RAB22A: variants seen among roughly 807,000 people sequenced by gnomAD.
The protein encoded by RAB22A is RAB22A, member RAS oncogene family.
RAB22A carries 13 observed loss-of-function variants against 30.2 expected under a neutral mutation model. The observed-to-expected ratio is 0.43, with a 90% CI of 0.28 to 0.68. The LOEUF is 0.68. Ranked by LOEUF, RAB22A falls within the 30% of genes least tolerant of loss-of-function variation. RAB22A has a pLI of 0.18. For synonymous variants in RAB22A, 89 were observed against 87.2 expected (o/e 1.02, Z -0.11); for missense variants, 177 against 246.8 (o/e 0.72, Z 1.89).
At chr20:58,349,484 C>T (rs1050131987) in intron 3 of RAB22A, among the ~76,000 whole-genome samples, 1 of 152,132 alleles carries the variant, frequency 6.6e-6, no homozygotes, top group South Asian at 2.1e-4. Flanking sequence ...TTTTGACCCC[C>T]AAATTGTGAA....
At chr20:58,352,289 T>G (rs1345273589) in intron 3 of RAB22A, among the ~76,000 whole-genome samples, 4 of 152,198 alleles carry the variant, frequency 2.6e-5, no homozygotes, top group Non-Finnish European at 4.4e-5. Context: ...CTGTATGTGG[T>G]TTATGTATGT....
At chr20:58,323,978 TTTAA>T (rs146521513) in intron 2 of RAB22A, among the ~76,000 whole-genome samples, 1,621 of 152,330 alleles carry the variant, frequency 0.011, 24 homozygotes, top group African/African-American at 0.034. Flanking sequence ...TATCACTGGC[TTTAA>T]TTAGTTATTA....
At chr20:58,355,845 T>C (rs1327181743) in intron 6 of RAB22A, among the ~76,000 whole-genome samples, 1 of 152,070 alleles carries the variant, frequency 6.6e-6, no homozygotes, top group Non-Finnish European at 1.5e-5. Flanking sequence ...AAAAATCATG[T>C]TTATTGTTGT....
chr20:58,310,279 G>A (rs189859771), intron 1 of RAB22A, among the ~76,000 whole-genome samples: 5 of 151,946 alleles, frequency 3.3e-5, no homozygotes, highest in African/African-American at 1.2e-4. Flanking sequence ...GCCCCCCCTT[G>A]CCTCTCTATT....
At chr20:58,350,550 A>G (rs1250452086) in intron 3 of RAB22A, among the ~76,000 whole-genome samples, 1 of 152,210 alleles carries the variant, frequency 6.6e-6, no homozygotes, top group African/African-American at 2.4e-5. Context: ...CCCAGAAGTA[A>G]AAGACACGTA....
intron 3 of RAB22A, among the ~76,000 whole-genome samples, chr20:58,349,145 G>A (rs936185512): frequency 4.0e-4 from 61 of 152,056 alleles, no homozygotes; most frequent in African/African-American, 1.4e-3. Flanking sequence ...AATAGCGAGT[G>A]GCTTGCCCTC....
At chr20:58,331,808 G>C (rs1168181684) in intron 2 of RAB22A, among the ~76,000 whole-genome samples, 4 of 151,958 alleles carry the variant, frequency 2.6e-5, no homozygotes, top group Admixed American at 2.0e-4. Context: ...TCTCTTCCTA[G>C]GTGATTTCAT....
At chr20:58,313,231 C>G (rs1568862716) in intron 2 of RAB22A, among the ~76,000 whole-genome samples, 1 of 152,218 alleles carries the variant, frequency 6.6e-6, no homozygotes, top group Admixed American at 6.5e-5. Context: ...GGCTCCTGAG[C>G]TGCCTCTAGT....
intron 2 of RAB22A, among the ~76,000 whole-genome samples, chr20:58,314,284 C>T (rs1216965134): frequency 2.6e-5 from 4 of 152,062 alleles, no homozygotes; most frequent in African/African-American, 9.7e-5. Flanking sequence ...AGGCTGTTCT[C>T]AAACACCTGA....
At position 58,343,758 on chromosome 20, in the gene RAB22A, C is replaced by T; in HGVS notation, c.157C>T (p.Leu53=). 6.2e-7 allele frequency: 1 copy of T among 1,611,488 alleles called. No individual in the cohort carries two copies. The highest frequency in any genetic ancestry group is 8.5e-7 in the Non-Finnish European group (1 of 1,177,660). The change falls in exon 3 of 7, where the codon CTA becomes TTA. Residue 53 remains leucine (L), a synonymous_variant. Coordinates refer to ENST00000244040, the MANE Select transcript of RAB22A (RefSeq NM_020673.3). ...MTKTVQYQNE[L]HKFLIWDTAG... is the part of the protein sequence containing the mutation. ...CAAGACTGTCCAGTACCAAAATGAG[C>T]TACATAAATTCCTAATCTGGGATAC...
Position 58,362,688 on chromosome 20 carries a change from A to C in RAB22A, c.*2985A>C, listed in dbSNP as rs1987246324. 1 of 152,264 alleles carries C rather than the reference A, an allele frequency of 6.6e-6. No homozygotes were observed. 9.4% of individuals were successfully genotyped at this position (152,264 alleles called of 1,614,324 possible). A position where few individuals can be genotyped will look rare whatever the true frequency, so the allele number is the denominator to read the frequency against. On this transcript the variant is annotated 3_prime_UTR_variant, in exon 7 of 7. Coordinates refer to ENST00000244040, the MANE Select transcript of RAB22A (RefSeq NM_020673.3). ...AGAACATAAAGTAAGATTATGATTA[A>C]GTGTCCATCACCTGCCTGTCAGCCG...
intron 2 of RAB22A, among the ~76,000 whole-genome samples, chr20:58,324,558 G>A (rs536154639): frequency 7.2e-5 from 11 of 152,118 alleles, no homozygotes; most frequent in East Asian, 5.8e-4. Context: ...AGTCCTCCTC[G>A]GTTGTATTCC....
chr20:58,331,436 G>A (rs994765788), intron 2 of RAB22A, among the ~76,000 whole-genome samples: 7 of 152,076 alleles, frequency 4.6e-5, no homozygotes, highest in African/African-American at 1.7e-4. Flanking sequence ...TGTATCCTCA[G>A]CCCACAATAG....
chr20:58,344,020 T>C (rs1986903146), intron 3 of RAB22A, among the ~76,000 whole-genome samples: 1 of 152,200 alleles, frequency 6.6e-6, no homozygotes, highest in African/African-American at 2.4e-5. Context: ...GGCATTTTTA[T>C]ACCTTGCAGT....
At chr20:58,358,969 G>GA (rs1451219470) in intron 6 of RAB22A, among the ~76,000 whole-genome samples, 1 of 151,992 alleles carries the variant, frequency 6.6e-6, no homozygotes, top group Non-Finnish European at 1.5e-5. Flanking sequence ...TGTGTTGAGT[G>GA]AAAGTATCAA....
chr20:58,310,112 C>T (rs1002480252), intron 1 of RAB22A, 100 bp downstream of exon 1: 1 of 1,144,146 alleles, frequency 8.7e-7, no homozygotes. Context: ...CTCCCACGTC[C>T]AAGACGCTGT....
intron 2 of RAB22A, among the ~76,000 whole-genome samples, chr20:58,342,637 G>C (rs1266457438): frequency 7.8e-6 from 1 of 128,994 alleles, no homozygotes; most frequent in Non-Finnish European, 1.6e-5. Flanking sequence ...AAAAACAAGA[G>C]TACAATTTGG....
At chr20:58,347,496 C>T (rs892211915) in intron 3 of RAB22A, among the ~76,000 whole-genome samples, 4 of 152,132 alleles carry the variant, frequency 2.6e-5, no homozygotes, top group Non-Finnish European at 5.9e-5. Context: ...AAAAATTTGT[C>T]ATTTTTATGA....
intron 2 of RAB22A, among the ~76,000 whole-genome samples, chr20:58,330,673 C>T (rs1180522200): frequency 6.6e-6 from 1 of 152,128 alleles, no homozygotes; most frequent in East Asian, 1.9e-4. Context: ...TGGGATGTCG[C>T]CTTATGACAA....
Sources: gnomAD v4.1 joint callset for allele counts (sites outside exome capture counted in the v4.1 genomes callset) on GRCh38, gnomAD v4.1.1 for gene constraint, MANE v1.5 for transcripts, NCBI Gene and HGNC (gene_info 2026-07-23, HGNC 2026-07-21) for gene names.